The following ADAMTS17 variants were observed in gnomAD, a reference collection of about 807,000 sequenced individuals.
ADAMTS17 encodes ADAM metallopeptidase with thrombospondin type 1 motif 17.
ADAMTS17 carries 113 observed loss-of-function variants against 141.5 expected under a neutral mutation model. The observed-to-expected ratio is 0.80, with a 90% CI of 0.69 to 0.93. The LOEUF (loss-of-function observed/expected upper bound fraction) is 0.93. Ranked by LOEUF, ADAMTS17 falls within the 40% of genes least tolerant of loss-of-function variation. The pLI is 0.00. For missense variants in ADAMTS17, 1,659 were observed against 1,517.9 expected (o/e 1.09, Z -1.54); for synonymous variants, 768 against 630.6 (o/e 1.22, Z -3.27).
At chr15:100,260,373 G>A (rs1373025192) in intron 6 of ADAMTS17, among the ~76,000 whole-genome samples, 1 of 151,994 alleles carries the variant, frequency 6.6e-6, no homozygotes, top group African/African-American at 2.4e-5. Context: ...TAGCATTTTG[G>A]GAGGCCAAGG....
At chr15:100,080,998 G>C (rs369122278) in intron 15 of ADAMTS17, among the ~76,000 whole-genome samples, 1 of 152,186 alleles carries the variant, frequency 6.6e-6, no homozygotes, top group Non-Finnish European at 1.5e-5. Context: ...GTGTCAACTT[G>C]ATTAGATTAA....
chr15:100,004,406 G>A (rs1464306775), intron 18 of ADAMTS17, among the ~76,000 whole-genome samples: 2 of 152,200 alleles, frequency 1.3e-5, no homozygotes, highest in East Asian at 1.9e-4. Context: ...ACACTTGAAC[G>A]ACACTGTGCA....
chr15:100,109,169 T>C (rs2036589694), intron 13 of ADAMTS17, 53 bp from the exon 14 acceptor site: 5 of 1,563,570 alleles, frequency 3.2e-6, no homozygotes, highest in East Asian at 4.8e-5. Context: ...GCGTGGGCCA[T>C]GCAGGGCACA....
At chr15:100,202,957 C>T (rs2041391206) in intron 7 of ADAMTS17, among the ~76,000 whole-genome samples, 1 of 151,582 alleles carries the variant, frequency 6.6e-6, no homozygotes, top group South Asian at 2.1e-4. Flanking sequence ...TTAAAATTCT[C>T]CACAGATCAC....
Position 100,341,903 on chromosome 15 carries a change from A to G in ADAMTS17, c.-4T>C, listed in dbSNP as rs886050984. 16 of 1,546,758 alleles carry G rather than the reference A, an allele frequency of 1.0e-5. No homozygotes were observed. The highest frequency in any genetic ancestry group is 1.4e-5 in the Non-Finnish European group (16 of 1,146,372). On this transcript the variant is annotated 5_prime_UTR_variant, in exon 1 of 22. Coordinates refer to ENST00000268070, the MANE Select transcript of ADAMTS17 (RefSeq NM_139057.4). Reference sequence around the variant, plus strand: ...GCAGCAGGGCGCCGTCACACATGGTACCCGGGACCGGCAGCCCCCCCGGAC... The same window carrying G: ...GCAGCAGGGCGCCGTCACACATGGTGCCCGGGACCGGCAGCCCCCCCGGAC...
intron 2 of ADAMTS17, among the ~76,000 whole-genome samples, chr15:100,338,569 G>T (rs1317636768): frequency 6.6e-6 from 1 of 152,180 alleles, no homozygotes; most frequent in African/African-American, 2.4e-5. Flanking sequence ...TGCAACAAAG[G>T]CTATGTGGCC....
chr15:100,175,083 GC>G (rs1367678146), intron 8 of ADAMTS17, among the ~76,000 whole-genome samples: 3 of 152,118 alleles, frequency 2.0e-5, no homozygotes, highest in African/African-American at 7.2e-5. Flanking sequence ...TCCCCTCGCA[GC>G]CTACTGCAAC....
At chr15:100,287,596 G>A (rs182801819) in intron 3 of ADAMTS17, among the ~76,000 whole-genome samples, 127 of 152,220 alleles carry the variant, frequency 8.3e-4, no homozygotes, top group African/African-American at 2.8e-3. Context: ...GATTCTCCAA[G>A]GTTGACATAA....
intron 3 of ADAMTS17, among the ~76,000 whole-genome samples, chr15:100,319,136 G>A (rs2045652454): frequency 6.6e-6 from 1 of 152,362 alleles, no homozygotes; most frequent in Middle Eastern, 3.4e-3. Context: ...AGGGCATAGG[G>A]GACTCCCAAA....
At chr15:99,977,705 C>T (rs1021578141) in intron 20 of ADAMTS17, among the ~76,000 whole-genome samples, 9 of 151,866 alleles carry the variant, frequency 5.9e-5, no homozygotes, top group East Asian at 3.9e-4. Flanking sequence ...AGTGAGCCAC[C>T]GTGCCTGGTG....
intron 3 of ADAMTS17, among the ~76,000 whole-genome samples, chr15:100,309,368 C>T (rs2045330556): frequency 6.6e-6 from 1 of 152,120 alleles, no homozygotes; most frequent in African/African-American, 2.4e-5. Context: ...CAAAAACGCA[C>T]AAAAAATGGA....
At chr15:100,295,566 G>C (rs1377566669) in intron 3 of ADAMTS17, among the ~76,000 whole-genome samples, 1 of 152,166 alleles carries the variant, frequency 6.6e-6, no homozygotes, top group Admixed American at 6.6e-5. Flanking sequence ...TCCATGGTCT[G>C]TCCCTTCAAA....
intron 15 of ADAMTS17, among the ~76,000 whole-genome samples, chr15:100,068,681 A>G (rs2033739927): frequency 6.6e-6 from 1 of 152,244 alleles, no homozygotes; most frequent in African/African-American, 2.4e-5. Context: ...ACAGACCTGT[A>G]GCTGAGGGTC....
intron 6 of ADAMTS17, among the ~76,000 whole-genome samples, chr15:100,259,599 C>T (rs1357853918): frequency 6.6e-6 from 1 of 152,224 alleles, no homozygotes; most frequent in African/African-American, 2.4e-5. Context: ...AATTATTAGA[C>T]AGACTTTTTC....
At chr15:99,989,084 T>A (rs2060644470) in intron 20 of ADAMTS17, among the ~76,000 whole-genome samples, 1 of 152,174 alleles carries the variant, frequency 6.6e-6, no homozygotes, top group African/African-American at 2.4e-5. Flanking sequence ...AATCCCTTCT[T>A]GCTTGGTTTC....
chr15:100,182,940 A>G lies in ADAMTS17; in HGVS notation c.1181+16378T>C, dbSNP rs374013350. Among the ~76,000 whole-genome samples the G allele has an allele frequency of 1.8e-4, 27 of 152,228 alleles. No individual in the cohort carries two copies. In the South Asian group the frequency reaches 5.6e-3, roughly 32 times the overall value. ...ATGTTTTCGGACTTTATTTCTTCAAATATTTTTTCCAGTGCCACAATCTTT... is the reference window on the plus strand; with the variant it reads ...ATGTTTTCGGACTTTATTTCTTCAAGTATTTTTTCCAGTGCCACAATCTTT... On this transcript the variant is annotated intron_variant, in intron 8 of 21. Transcript: ENST00000268070.
intron 14 of ADAMTS17, among the ~76,000 whole-genome samples, chr15:100,099,026 C>T (rs1363187666): frequency 2.0e-5 from 3 of 152,232 alleles, no homozygotes; most frequent in African/African-American, 4.8e-5. Context: ...GTTCCTTGTC[C>T]TGCACCTCAG....
chr15:100,134,586 G>C (rs991285346), intron 10 of ADAMTS17, among the ~76,000 whole-genome samples: 1 of 152,216 alleles, frequency 6.6e-6, no homozygotes, highest in Admixed American at 6.5e-5. Flanking sequence ...GTCGAGTTCA[G>C]TTTAGAGGTC....
chr15:100,252,083 T>C (rs2043173131), intron 7 of ADAMTS17, among the ~76,000 whole-genome samples: 1 of 152,204 alleles, frequency 6.6e-6, no homozygotes, highest in African/African-American at 2.4e-5. Flanking sequence ...GAGATGATGC[T>C]TGATTCGAAG....
Sources: gnomAD v4.1 joint callset for allele counts (sites outside exome capture counted in the v4.1 genomes callset) on GRCh38, gnomAD v4.1.1 for gene constraint, MANE v1.5 for transcripts, NCBI Gene and HGNC (gene_info 2026-07-23, HGNC 2026-07-21) for gene names.